The following SKAP1 variants were observed in gnomAD, a reference collection of about 807,000 sequenced individuals.
The protein encoded by SKAP1 is src kinase-associated phosphoprotein 1.
A neutral mutation model predicts 58.5 loss-of-function variants in SKAP1; 44 were observed. That is an observed-to-expected ratio of 0.75 (90% CI 0.59 to 0.97). SKAP1 has a LOEUF of 0.97. Among genes scored for constraint, SKAP1 ranks in the 50% least tolerant of loss-of-function variants. The pLI, the probability that SKAP1 is intolerant of heterozygous loss-of-function variation, is 0.00. For synonymous variants in SKAP1, 127 were observed against 149.7 expected (o/e 0.85, Z 1.11); for missense variants, 390 against 435.2 (o/e 0.90, Z 0.92).
intron 4 of SKAP1, among the ~76,000 whole-genome samples, chr17:48,207,576 A>G (rs2064825019): frequency 6.6e-6 from 1 of 152,000 alleles, no homozygotes; most frequent in African/African-American, 2.4e-5. Context: ...TGTAGTCTGT[A>G]TGTAATTTTA....
chr17:48,226,896 G>A (rs377628204), intron 4 of SKAP1, among the ~76,000 whole-genome samples: 1 of 152,190 alleles, frequency 6.6e-6, no homozygotes. Context: ...TGTGGGGTTT[G>A]AAATGGGCAG....
intron 2 of SKAP1, among the ~76,000 whole-genome samples, chr17:48,388,065 G>A (rs1410797876): frequency 6.6e-6 from 1 of 152,152 alleles, no homozygotes; most frequent in African/African-American, 2.4e-5. Context: ...GGCAGTCTAT[G>A]ATTTTCTGAA....
intron 1 of SKAP1, among the ~76,000 whole-genome samples, chr17:48,423,151 A>G (rs1326121161): frequency 6.6e-6 from 1 of 152,240 alleles, no homozygotes; most frequent in Non-Finnish European, 1.5e-5. Context: ...AGTATTAAAA[A>G]GTCTAAGTAA....
intron 8 of SKAP1, 93 bp downstream of exon 8, chr17:48,182,301 A>G: frequency 2.2e-6 from 2 of 917,914 alleles, no homozygotes; most frequent in South Asian, 3.1e-5. Flanking sequence ...AAGGGCAGAA[A>G]AAATACATAC....
intron 4 of SKAP1, chr17:48,308,507 A>C (rs936330222): frequency 1.3e-5 from 2 of 152,230 alleles, no homozygotes; most frequent in African/African-American, 4.8e-5. Flanking sequence ...CAATACTGCA[A>C]GGCTTTAAAA....
intron 4 of SKAP1, among the ~76,000 whole-genome samples, chr17:48,192,559 A>G (rs543609882): frequency 1.2e-4 from 19 of 152,146 alleles, no homozygotes; most frequent in Admixed American, 3.9e-4. Context: ...GCAGGAGCAT[A>G]AAAAATGCCT....
At chr17:48,275,222 G>C (rs1008468743) in intron 4 of SKAP1, among the ~76,000 whole-genome samples, 1 of 152,016 alleles carries the variant, frequency 6.6e-6, no homozygotes, top group Non-Finnish European at 1.5e-5. Flanking sequence ...TTGTCCTTTC[G>C]AATGTACCCA....
intron 4 of SKAP1, among the ~76,000 whole-genome samples, chr17:48,311,003 T>C (rs539929164): frequency 3.3e-5 from 5 of 152,174 alleles, no homozygotes; most frequent in African/African-American, 4.8e-5. Context: ...TACTATCCGA[T>C]TGCCATTTTT....
intron 2 of SKAP1, among the ~76,000 whole-genome samples, chr17:48,378,285 C>T (rs936582514): frequency 1.3e-5 from 2 of 152,140 alleles, no homozygotes; most frequent in African/African-American, 4.8e-5. Context: ...GCAGACAGGT[C>T]TGGGTTGAAG....
At chr17:48,277,398 A>G (rs1372432890) in intron 4 of SKAP1, among the ~76,000 whole-genome samples, 4 of 152,232 alleles carry the variant, frequency 2.6e-5, no homozygotes, top group Non-Finnish European at 5.9e-5. Flanking sequence ...ATTTATCTAT[A>G]CTGAAATTAA....
At chr17:48,399,359 T>G (rs1261253114) in intron 1 of SKAP1, among the ~76,000 whole-genome samples, 1 of 152,042 alleles carries the variant, frequency 6.6e-6, no homozygotes, top group Admixed American at 6.6e-5. Flanking sequence ...TTAACAAAAG[T>G]CAACAGCCTT....
Position 48,169,146 on chromosome 17 carries a change from A to G in SKAP1, c.877+1463T>C, listed in dbSNP as rs558314470. Among the ~76,000 whole-genome samples the G allele has an allele frequency of 4.5e-4, 69 of 152,084 alleles. 1 individual carries two copies. The highest frequency in any genetic ancestry group is 1.6e-4 in the Non-Finnish European group (11 of 67,988). The stretch of plus-strand genomic sequence containing the variant: ...TTAAACCTACTTGAATTATAGCTGT[A>G]GGAACAGTTAAGAAATAAATCTCCT... On this transcript the variant is annotated intron_variant, in intron 10 of 12. Transcript: ENST00000336915.
At chr17:48,264,779 CACA>C (rs2065524471) in intron 4 of SKAP1, among the ~76,000 whole-genome samples, 1 of 151,710 alleles carries the variant, frequency 6.6e-6, no homozygotes, top group African/African-American at 2.4e-5. Flanking sequence ...CACACACACA[CACA>C]CCCTCCATCT....
chr17:48,233,172 T>G (rs1268547106), intron 4 of SKAP1, among the ~76,000 whole-genome samples: 1 of 152,198 alleles, frequency 6.6e-6, no homozygotes, highest in Non-Finnish European at 1.5e-5. Context: ...ATAGGAACTC[T>G]GTGGCAGTTG....
intron 12 of SKAP1, among the ~76,000 whole-genome samples, chr17:48,135,683 C>T (rs2144559667): frequency 6.6e-6 from 1 of 152,226 alleles, no homozygotes; most frequent in Non-Finnish European, 1.5e-5. Context: ...TCTGCCCAGG[C>T]TGGTCTCAAA....
chr17:48,218,864 A>AT (rs1401811466), intron 4 of SKAP1, among the ~76,000 whole-genome samples: 1 of 151,912 alleles, frequency 6.6e-6, no homozygotes, highest in Non-Finnish European at 1.5e-5. Context: ...ATAATTCAAT[A>AT]TTTTGGGGGT....
chr17:48,289,496 C>T (rs1452296373), intron 4 of SKAP1, among the ~76,000 whole-genome samples: 2 of 152,124 alleles, frequency 1.3e-5, no homozygotes, highest in Non-Finnish European at 2.9e-5. Context: ...ATTTCTACTA[C>T]TTTCTGATAT....
At chr17:48,198,283 G>A (rs1248825895) in intron 4 of SKAP1, among the ~76,000 whole-genome samples, 3 of 151,618 alleles carry the variant, frequency 2.0e-5, no homozygotes, top group African/African-American at 7.3e-5. Context: ...GTGAAACCCC[G>A]TTTCTACTAA....
chr17:48,228,705 A>G (rs2065096060), intron 4 of SKAP1, among the ~76,000 whole-genome samples: 1 of 152,216 alleles, frequency 6.6e-6, no homozygotes, highest in Admixed American at 6.5e-5. Context: ...GAAGAAACTG[A>G]GGGATACAGA....
Sources: allele counts gnomAD v4.1 joint callset (sites outside exome capture counted in the v4.1 genomes callset), GRCh38; gene constraint gnomAD v4.1.1; transcripts MANE v1.5; gene names NCBI Gene and HGNC (gene_info 2026-07-23, HGNC 2026-07-21).